RSF1: variants seen among roughly 807,000 people sequenced by gnomAD.
RSF1 encodes remodeling and spacing factor 1, also known as HBV pX-associated protein 8.
RSF1 carries 13 observed loss-of-function variants against 145.2 expected under a neutral mutation model. The observed-to-expected ratio is 0.09, with a 90% CI of 0.06 to 0.14. RSF1 has a LOEUF of 0.14. Among genes scored for constraint, RSF1 ranks in the 10% least tolerant of loss-of-function variants. RSF1 has a pLI of 1.00. For synonymous variants in RSF1, 577 were observed against 592.6 expected (o/e 0.97, Z 0.38); for missense variants, 1,517 against 1,718.2 (o/e 0.88, Z 2.07).
At chr11:77,731,365 A>G (rs1961203422) in intron 4 of RSF1, among the ~76,000 whole-genome samples, 1 of 152,248 alleles carries the variant, frequency 6.6e-6, no homozygotes, top group African/African-American at 2.4e-5. Context: ...TGTTAAAGTC[A>G]TTCAGTTTTA....
intron 3 of RSF1, among the ~76,000 whole-genome samples, chr11:77,743,664 C>T (rs1947966529): frequency 6.6e-6 from 1 of 152,158 alleles, no homozygotes; most frequent in African/African-American, 2.4e-5. Context: ...CATCTGCAAA[C>T]AGTCACAATT....
At chr11:77,737,622 GT>G (rs1961395540) in intron 4 of RSF1, among the ~76,000 whole-genome samples, 1 of 42,864 alleles carries the variant, frequency 2.3e-5, no homozygotes, top group African/African-American at 7.8e-5. Flanking sequence ...GTTTTGGGGG[GT>G]GTGTGTGTGT....
intron 2 of RSF1, among the ~76,000 whole-genome samples, chr11:77,747,750 T>C (rs933730753): frequency 6.6e-6 from 1 of 152,108 alleles, no homozygotes; most frequent in African/African-American, 2.4e-5. Context: ...CAAGAAACTT[T>C]CTCTCATTTC....
intron 15 of RSF1, among the ~76,000 whole-genome samples, chr11:77,670,500 TA>T (rs1323060699): frequency 1.3e-5 from 2 of 152,208 alleles, no homozygotes; most frequent in African/African-American, 4.8e-5. Flanking sequence ...ATATATCATA[TA>T]TTCTACTTAT....
the RSF1 span, chr11:77,869,300 TTA>T: frequency 3.9e-4 from 63 of 162,166 alleles, no homozygotes; most frequent in Non-Finnish European, 7.3e-4. Context: ...TTTCGTTTAT[TTA>T]TCTCTTTTTC....
At chr11:77,725,751 G>C (rs1289692216) in intron 4 of RSF1, 52 bp from the exon 5 acceptor site, 1 of 1,390,100 alleles carries the variant, frequency 7.2e-7, no homozygotes, top group Non-Finnish European at 9.6e-7. Context: ...CTGTTCTAGA[G>C]AACTTTCTGA....
At chr11:77,713,794 T>A (rs1960743989) in intron 5 of RSF1, among the ~76,000 whole-genome samples, 1 of 152,210 alleles carries the variant, frequency 6.6e-6, no homozygotes, top group South Asian at 2.1e-4. Context: ...CTTTTTAAAA[T>A]TTTAACTCTT....
At chr11:77,830,613 G>A in the RSF1 span, among the ~76,000 whole-genome samples, 1 of 151,712 alleles carries the variant, frequency 6.6e-6, no homozygotes, top group Non-Finnish European at 1.5e-5. Flanking sequence ...TTTGTCTCTT[G>A]TCTTTTATTC....
chr11:77,780,130 A>G (rs1018647754), intron 1 of RSF1, among the ~76,000 whole-genome samples: 2 of 152,220 alleles, frequency 1.3e-5, no homozygotes, highest in Non-Finnish European at 2.9e-5. Flanking sequence ...AAACAGGCCT[A>G]TATCTTCAGC....
the RSF1 span, among the ~76,000 whole-genome samples, chr11:77,840,769 G>T: frequency 6.6e-6 from 1 of 152,030 alleles, no homozygotes; most frequent in African/African-American, 2.4e-5. Context: ...TGCATGCCTT[G>T]TAATTTTTTG....
intron 2 of RSF1, among the ~76,000 whole-genome samples, chr11:77,754,496 C>T (rs1948095890): frequency 6.6e-6 from 1 of 152,110 alleles, no homozygotes; most frequent in Non-Finnish European, 1.5e-5. Context: ...AATCCCAGCA[C>T]ACTGAGAGAC....
At position 77,779,626 on chromosome 11, in the gene RSF1, C is replaced by T. The variant is rs985798636; in HGVS notation, c.188-14937G>A. On this transcript the variant is annotated intron_variant, in intron 1 of 15. Coordinates refer to ENST00000308488, the MANE Select transcript of RSF1 (RefSeq NM_016578.4). ...CGAACTCTTGACCTCAGGTGATCTGCCCACCTCAGCCTGGGATTACAGGTG... is the reference window on the plus strand; with the variant it reads ...CGAACTCTTGACCTCAGGTGATCTGTCCACCTCAGCCTGGGATTACAGGTG... Among the ~76,000 whole-genome samples the T allele has an allele frequency of 3.3e-5, 5 of 152,114 alleles. 1 individual carries two copies. Among genetic ancestry groups the T allele is most frequent in the Admixed American group, 2.6e-4 (4 of 15,270 alleles).
At chr11:77,777,375 T>C (rs923256417) in intron 1 of RSF1, among the ~76,000 whole-genome samples, 4 of 152,100 alleles carry the variant, frequency 2.6e-5, no homozygotes, top group African/African-American at 7.2e-5. Flanking sequence ...GTGGATCCCC[T>C]GAGGTCAGGA....
chr11:77,690,971 C>T, intron 9 of RSF1, 188 bp downstream of exon 9: 6 of 521,558 alleles, frequency 1.2e-5, no homozygotes, highest in African/African-American at 1.9e-5. Context: ...TAGTTTTTCC[C>T]CCCAATCATT....
intron 1 of RSF1, among the ~76,000 whole-genome samples, chr11:77,785,083 C>T (rs959754456): frequency 3.3e-5 from 5 of 152,200 alleles, no homozygotes; most frequent in Non-Finnish European, 7.3e-5. Flanking sequence ...TTCTGCGGTC[C>T]TAAAGCTGCT....
At chr11:77,765,874 A>G (rs1274909887) in intron 1 of RSF1, among the ~76,000 whole-genome samples, 1 of 152,070 alleles carries the variant, frequency 6.6e-6, no homozygotes, top group Non-Finnish European at 1.5e-5. Flanking sequence ...CAGCCTCCCA[A>G]GTAGCTGGAA....
At chr11:77,820,247 G>A (rs930187713) in intron 1 of RSF1, among the ~76,000 whole-genome samples, 5 of 152,148 alleles carry the variant, frequency 3.3e-5, no homozygotes, top group Non-Finnish European at 7.4e-5. Context: ...GCTGCCGACC[G>A]GCACAATGAC....
chr11:77,782,973 C>T (rs1462121717), intron 1 of RSF1, among the ~76,000 whole-genome samples: 1 of 152,034 alleles, frequency 6.6e-6, no homozygotes, highest in African/African-American at 2.4e-5. Context: ...TTATTTGTTC[C>T]TTTCTTACTC....
At chr11:77,738,260 A>G (rs1961415987) in intron 4 of RSF1, among the ~76,000 whole-genome samples, 1 of 152,246 alleles carries the variant, frequency 6.6e-6, no homozygotes, top group South Asian at 2.1e-4. Context: ...TTGAGGAAGT[A>G]TTATCACTTT....
Sources: allele counts gnomAD v4.1 joint callset (sites outside exome capture counted in the v4.1 genomes callset), GRCh38; gene constraint gnomAD v4.1.1; transcripts MANE v1.5; gene names NCBI Gene and HGNC (gene_info 2026-07-23, HGNC 2026-07-21).